The following SUMF2 variants were observed in gnomAD, a reference collection of about 807,000 sequenced individuals.
SUMF2 encodes the protein sulfatase modifying factor 2.
SUMF2 carries 45 observed loss-of-function variants against 44.8 expected under a neutral mutation model. The ratio of observed to expected loss-of-function variants is 1.00; its 90% CI spans 0.79 to 1.29. The LOEUF (loss-of-function observed/expected upper bound fraction) is 1.29, where lower values mean the gene tolerates loss of function less well. SUMF2 is among the 50% of genes most tolerant of loss of function. SUMF2 has a pLI of 0.00. For missense variants in SUMF2, 418 were observed against 389.9 expected (o/e 1.07, Z -0.61); for synonymous variants, 148 against 150.4 (o/e 0.98, Z 0.12).
the SUMF2 span, chr7:56,086,880 G>C: frequency 3.2e-6 from 3 of 947,756 alleles, no homozygotes; most frequent in Non-Finnish European, 5.2e-6. Context: ...GCAGGAGCTG[G>C]CTGTGGTCTC....
downstream of SUMF2, chr7:56,084,380 T>G (rs1309215780): frequency 3.5e-6 from 2 of 569,176 alleles, no homozygotes; most frequent in Non-Finnish European, 6.2e-6. Flanking sequence ...ATTTTTTTTT[T>G]TTTTTTTTTT....
rs71015184 is a variant in SUMF2, at chr7:56,080,260, CTTTTTTTT to C, written c.*664_*671del. The C allele has an allele frequency of 1.9e-5, 2 of 105,422 alleles. No homozygotes were observed. Among genetic ancestry groups the C allele is most frequent in the Non-Finnish European group, 3.7e-5 (2 of 53,692 alleles). 6.5% of individuals were successfully genotyped at this position (105,422 alleles called of 1,614,324 possible). On this transcript the variant is annotated 3_prime_UTR_variant, in exon 9 of 9. Coordinates refer to ENST00000434526, the MANE Select transcript of SUMF2 (RefSeq NM_015411.4). ...AGACAAATATCAGAAGCTTCCTATT[CTTTTTTTT>C]TTTTTTTTTTTTTTTGAGACAGGGT...
downstream of SUMF2, chr7:56,082,027 T>C (rs1419212757): frequency 1.2e-6 from 2 of 1,613,532 alleles, no homozygotes; most frequent in East Asian, 2.2e-5. Flanking sequence ...AGCGTGTACA[T>C]GATGACGCCA....
chr7:56,072,138 A>T (rs1433243345), intron 2 of SUMF2, among the ~76,000 whole-genome samples: 6 of 150,058 alleles, frequency 4.0e-5, no homozygotes, highest in African/African-American at 7.4e-5. Flanking sequence ...AAAAAAAAAA[A>T]ATATTGGCCA....
At chr7:56,072,345 G>A (rs2117440813) in intron 2 of SUMF2, among the ~76,000 whole-genome samples, 1 of 151,860 alleles carries the variant, frequency 6.6e-6, no homozygotes, top group African/African-American at 2.4e-5. Flanking sequence ...AGAATCACTT[G>A]AACCTGGGAG....
chr7:56,068,911 C>T (rs1203304791), intron 2 of SUMF2, among the ~76,000 whole-genome samples: 1 of 151,348 alleles, frequency 6.6e-6, no homozygotes, highest in Non-Finnish European at 1.5e-5. Flanking sequence ...CGGGGTTTCT[C>T]CATGTTGGCC....
chr7:56,073,239 G>C (rs1427800607), intron 3 of SUMF2, 128 bp downstream of exon 3: 1 of 751,764 alleles, frequency 1.3e-6, no homozygotes, highest in South Asian at 1.5e-5. Context: ...GGGGAAGCAA[G>C]AGAAACTCAC....
At chr7:56,087,195 T>TTA in the SUMF2 span, among the ~76,000 whole-genome samples, 1 of 18,336 alleles carries the variant, frequency 5.5e-5, no homozygotes, top group South Asian at 1.2e-3. Context: ...CCCAGGGACT[T>TTA]TATTATTATT....
At chr7:56,081,391 G>GGCTTCGTGGC, downstream of SUMF2, 1 of 1,464,488 alleles carries the variant, frequency 6.8e-7, no homozygotes, top group Non-Finnish European at 9.1e-7. This position sits in a 1 kb window ranked among gnomAD's most constrained non-coding sequence, Gnocchi z 4.6. Context: ...CGTTTGCCAC[G>GGCTTCGTGGC]AAGCCTTGGG....
chr7:56,081,600 C>G (rs1318428371), downstream of SUMF2: 3 of 1,609,746 alleles, frequency 1.9e-6, no homozygotes, highest in South Asian at 2.2e-5. The surrounding 1 kb of genome is among the most constrained non-coding windows in gnomAD (Gnocchi z 4.6). Context: ...ACTTAGGGAG[C>G]TGGCGGGCCT....
downstream of SUMF2, chr7:56,084,370 A>ATTTTT: frequency 2.0e-5 from 8 of 408,770 alleles, no homozygotes; most frequent in Admixed American, 4.8e-5. Context: ...GAGTATCCCG[A>ATTTTT]TTTTTTTTTT....
chr7:56,084,681 C>A (rs1018008768), downstream of SUMF2, among the ~76,000 whole-genome samples: 1 of 151,938 alleles, frequency 6.6e-6, no homozygotes, highest in African/African-American at 2.4e-5. Context: ...CCGAGTATCC[C>A]GATTTTTTCC....
In SUMF2 at chr7:56,068,480, A is replaced by C; in HGVS notation, c.68-2A>C. On this transcript the variant is annotated splice_acceptor_variant, in intron 1 of 8. Transcript: ENST00000434526. LOFTEE classifies it high-confidence loss of function. The stretch of plus-strand genomic sequence containing the variant: ...ACTGGTAACTCTCTTTTTTCTCTGC[A>C]GGAAATGGACAGGCTACTAGCATGG... The C allele has an allele frequency of 6.3e-7, 1 of 1,595,382 alleles. No homozygotes were observed. The highest frequency in any genetic ancestry group is 8.5e-7 in the Non-Finnish European group (1 of 1,175,480).
At chr7:56,074,423 G>A in intron 4 of SUMF2, 163 bp from the exon 5 acceptor site, 1 of 1,051,714 alleles carries the variant, frequency 9.5e-7, no homozygotes, top group Non-Finnish European at 1.4e-6. Context: ...TCAGCCTCCT[G>A]TAGTCTCTTT....
downstream of SUMF2, chr7:56,081,442 T>A: frequency 7.7e-7 from 1 of 1,290,852 alleles, no homozygotes; most frequent in East Asian, 2.4e-5. This position sits in a 1 kb window ranked among gnomAD's most constrained non-coding sequence, Gnocchi z 4.6. Context: ...CACTTCCCAC[T>A]TGGCCAGCAT....
chr7:56,074,702 A>C lies in SUMF2; in HGVS notation c.501A>C (p.Glu167Asp), dbSNP rs959678006. ...AWRGKRLPTE[E>D]EWEFAARGGL... Reference sequence around the variant, plus strand: ...GGGGAAAACGACTGCCCACGGAGGAAGAGTGGGAGTTTGCCGCCCGAGGGG... The same window carrying C: ...GGGGAAAACGACTGCCCACGGAGGACGAGTGGGAGTTTGCCGCCCGAGGGG... Residue 167 changes from glutamate (E) to aspartate (D), a missense_variant, in exon 5 of 9, where the codon GAA (glutamate) becomes GAC (aspartate). Transcript: ENST00000434526. 4 of 1,614,022 alleles carry C rather than the reference A, an allele frequency of 2.5e-6. No homozygotes were observed. Among genetic ancestry groups the C allele is most frequent in the Middle Eastern group, 3.3e-4 (2 of 6,084 alleles).
At chr7:56,079,046 C>A in intron 8 of SUMF2, 1 of 548,106 alleles carries the variant, frequency 1.8e-6, no homozygotes. Flanking sequence ...ACAGGTGCGG[C>A]TAATTTTTGT....
chr7:56,065,343 G>C (rs187895845), intron 1 of SUMF2, among the ~76,000 whole-genome samples: 51 of 152,252 alleles, frequency 3.3e-4, no homozygotes, highest in African/African-American at 1.2e-3. Flanking sequence ...CCATTTGGAA[G>C]TGGGTCCAGA....
chr7:56,082,350 T>C, downstream of SUMF2: 1 of 939,958 alleles, frequency 1.1e-6, no homozygotes, highest in African/African-American at 1.6e-5. Flanking sequence ...CCTAGCACTT[T>C]GGGAGGCCGA....
Sources: gnomAD v4.1 joint callset for allele counts (sites outside exome capture counted in the v4.1 genomes callset) on GRCh38, gnomAD v4.1.1 for gene constraint, Gnocchi (gnomAD v3.1) non-coding constraint, MANE v1.5 for transcripts, NCBI Gene and HGNC (gene_info 2026-07-23, HGNC 2026-07-21) for gene names.